The following TCF20 variants were observed in gnomAD, a reference collection of about 807,000 sequenced individuals.
TCF20 encodes transcription factor 20, also known as SPRE-binding protein.
In TCF20, 3 loss-of-function variants were observed where a neutral mutation model predicts 148.6. The observed-to-expected ratio is 0.02, with a 90% CI of 0.01 to 0.05. The LOEUF is 0.05. Among genes scored for constraint, TCF20 ranks in the 10% least tolerant of loss-of-function variants. The pLI, the probability that TCF20 is intolerant of heterozygous loss-of-function variation, is 1.00. For missense variants in TCF20, 2,350 were observed against 2,429.3 expected (o/e 0.97, Z 0.69); for synonymous variants, 1,049 against 909.5 (o/e 1.15, Z -2.76).
chr22:42,204,214 G>T (rs1938232222), intron 2 of TCF20, among the ~76,000 whole-genome samples: 1 of 152,168 alleles, frequency 6.6e-6, no homozygotes, highest in South Asian at 2.1e-4. Flanking sequence ...CCCTAAACTG[G>T]CCAGGTGCAG....
intron 1 of TCF20, among the ~76,000 whole-genome samples, chr22:42,235,457 A>G (rs1923803582): frequency 6.6e-6 from 1 of 152,212 alleles, no homozygotes; most frequent in Non-Finnish European, 1.5e-5. Flanking sequence ...GAGTAGTACT[A>G]TCTTACCTAG....
intron 1 of TCF20, among the ~76,000 whole-genome samples, chr22:42,316,596 C>T (rs970250609): frequency 3.9e-5 from 6 of 152,208 alleles, no homozygotes; most frequent in African/African-American, 1.2e-4. Flanking sequence ...CGCCACCACG[C>T]CCGGCTGATT....
chr22:42,200,239 G>A (rs1304448624), intron 2 of TCF20, among the ~76,000 whole-genome samples: 4 of 152,122 alleles, frequency 2.6e-5, no homozygotes, highest in African/African-American at 9.7e-5. Flanking sequence ...TTATTGGTAT[G>A]TTGATGACCC....
At chr22:42,304,544 G>A (rs1219248801) in intron 1 of TCF20, among the ~76,000 whole-genome samples, 2 of 152,172 alleles carry the variant, frequency 1.3e-5, no homozygotes, top group South Asian at 2.1e-4. Context: ...GTGCACTGCC[G>A]CGCAGAGATC....
Position 42,317,176 on chromosome 22 carries a change from G to A in TCF20, c.-37+26303C>T, listed in dbSNP as rs1927647671. 3.9e-5 allele frequency among the ~76,000 whole-genome samples: 6 copies of A among 152,066 alleles called. No homozygotes were observed. The highest frequency in any genetic ancestry group is 4.1e-4 in the South Asian group (2 of 4,820). On this transcript the variant is annotated intron_variant, in intron 1 of 1. Coordinates refer to the TCF20 transcript ENST00000515426. The surrounding 1 kb of genome is among the most constrained non-coding windows in gnomAD (Gnocchi z 4.2). ...CTGACTCACCCCACCTTCCCCGCCC[G>A]CCCTCACTCGGCACACCCTCAACAT...
Position 42,168,751 on chromosome 22 carries a change from A to G in TCF20, c.5800-15T>C, listed in dbSNP as rs769286176. The G allele has an allele frequency of 1.9e-6, 3 of 1,602,780 alleles. No homozygotes were observed. Among genetic ancestry groups the G allele is most frequent in the Non-Finnish European group, 2.6e-6 (3 of 1,174,626 alleles). The stretch of plus-strand genomic sequence containing the variant: ...GGAAGGGGAGGCTGACACGGGCAAA[A>G]CCAAGAGGAGACAGACAGGTGGGAG... On this transcript the variant is annotated splice_polypyrimidine_tract_variant and intron_variant, in intron 4 of 5. Transcript: ENST00000677622.
chr22:42,303,698 TG>T (rs769539233), intron 1 of TCF20, among the ~76,000 whole-genome samples: 28 of 152,010 alleles, frequency 1.8e-4, no homozygotes, highest in Non-Finnish European at 4.0e-4. Context: ...AGGGGACCCT[TG>T]CGGATTAGAG....
intron 1 of TCF20, among the ~76,000 whole-genome samples, chr22:42,293,006 GC>G (rs1267056508): frequency 6.6e-6 from 1 of 151,938 alleles, no homozygotes; most frequent in Non-Finnish European, 1.5e-5. Context: ...AGGGAGTGGG[GC>G]CCAGCTCTGG....
rs1173938991 is a variant in TCF20 at position 42,297,615 on chromosome 22, C to A, written c.-37+45864G>T. Reference sequence around the variant, plus strand: ...ATGATCCCTGAGCCTCGAGCTCAGCCCCCAGGAGCTTCCCCTTCATAACCT... The same window carrying A: ...ATGATCCCTGAGCCTCGAGCTCAGCACCCAGGAGCTTCCCCTTCATAACCT... On this transcript the variant is annotated intron_variant, in intron 1 of 1. Coordinates refer to the TCF20 transcript ENST00000515426. This position sits in a 1 kb window ranked among gnomAD's most constrained non-coding sequence, Gnocchi z 4.3. 6.6e-6 allele frequency among the ~76,000 whole-genome samples: 1 copy of A among 152,156 alleles called. No homozygotes were observed. The highest frequency in any genetic ancestry group is 6.5e-5 in the Admixed American group (1 of 15,288).
intron 1 of TCF20, among the ~76,000 whole-genome samples, chr22:42,225,517 G>C (rs1331972916): frequency 6.6e-6 from 1 of 150,910 alleles, no homozygotes; most frequent in Non-Finnish European, 1.5e-5. Context: ...GGGAGGCTGA[G>C]GCAGGAGAAT....
intron 1 of TCF20, among the ~76,000 whole-genome samples, chr22:42,342,477 C>T (rs1928184849): frequency 6.6e-6 from 1 of 152,190 alleles, no homozygotes; most frequent in South Asian, 2.1e-4. Flanking sequence ...CAAATGTTGG[C>T]CCGGGTTCAA....
At chr22:42,192,785 G>T (rs927604232) in intron 2 of TCF20, among the ~76,000 whole-genome samples, 1 of 152,050 alleles carries the variant, frequency 6.6e-6, no homozygotes, top group Non-Finnish European at 1.5e-5. Flanking sequence ...CTCAAACCGG[G>T]GCCTTTTCTT....
chr22:42,241,349 C>T (rs540257847), intron 1 of TCF20, among the ~76,000 whole-genome samples: 19 of 152,214 alleles, frequency 1.2e-4, no homozygotes, highest in African/African-American at 4.6e-4. Context: ...ACTCCAAATA[C>T]TGGAGATATC....
At chr22:42,336,490 T>C (rs1405498983) in intron 1 of TCF20, among the ~76,000 whole-genome samples, 1 of 150,260 alleles carries the variant, frequency 6.7e-6, no homozygotes, top group East Asian at 2.0e-4. Flanking sequence ...CACCTCCCCA[T>C]GCCACGTGGA....
chr22:42,253,852 G>A (rs1232124261), intron 1 of TCF20, among the ~76,000 whole-genome samples: 1 of 152,118 alleles, frequency 6.6e-6, no homozygotes, highest in Non-Finnish European at 1.5e-5. Context: ...CCAGGCAGGA[G>A]AATCACCTGA....
At chr22:42,315,436 AAG>A (rs778002299) in intron 1 of TCF20, among the ~76,000 whole-genome samples, 17 of 152,176 alleles carry the variant, frequency 1.1e-4, no homozygotes, top group South Asian at 1.0e-3. Flanking sequence ...CACACAGGGT[AAG>A]AGAGGAAAGG....
intron 1 of TCF20, among the ~76,000 whole-genome samples, chr22:42,280,141 C>T (rs543689211): frequency 7.9e-5 from 12 of 152,208 alleles, no homozygotes; most frequent in Non-Finnish European, 1.3e-4. Flanking sequence ...CAGATGATAC[C>T]GCCCAAGTCA....
intron 1 of TCF20, among the ~76,000 whole-genome samples, chr22:42,246,640 G>A (rs1924932181): frequency 6.6e-6 from 1 of 152,214 alleles, no homozygotes; most frequent in South Asian, 2.1e-4. Flanking sequence ...TGCCCTCAGG[G>A]AGGACTGGGG....
chr22:42,197,565 G>A (rs1199590432), intron 2 of TCF20, among the ~76,000 whole-genome samples: 7 of 152,126 alleles, frequency 4.6e-5, no homozygotes, highest in Admixed American at 2.6e-4. Flanking sequence ...CTTGTGATCC[G>A]CCCGTCTCGG....
Sources: allele counts gnomAD v4.1 joint callset (sites outside exome capture counted in the v4.1 genomes callset), GRCh38; gene constraint gnomAD v4.1.1; non-coding constraint Gnocchi (gnomAD v3.1); transcripts MANE v1.5; gene names NCBI Gene and HGNC (gene_info 2026-07-23, HGNC 2026-07-21).